The following LRRC37A2 variants were observed in gnomAD, a reference collection of about 807,000 sequenced individuals.
The protein encoded by LRRC37A2 is leucine rich repeat containing 37 member A2.
A neutral mutation model predicts 68.8 loss-of-function variants in LRRC37A2; 9 were observed. The ratio of observed to expected loss-of-function variants is 0.13; its 90% CI spans 0.08 to 0.23. The LOEUF (loss-of-function observed/expected upper bound fraction) is 0.23. Ranked by LOEUF, LRRC37A2 falls within the 10% of genes least tolerant of loss-of-function variation. The probability of loss-of-function intolerance (pLI) is 1.00; values close to 1 mark genes in which losing one functional copy is unlikely to be tolerated. For missense variants in LRRC37A2, 168 were observed against 950.4 expected, an observed-to-expected ratio of 0.18 and a Z score of 10.82; for synonymous variants, 63 against 367.6, an observed-to-expected ratio of 0.17 and a Z score of 9.48.
At chr17:46,929,460 C>T in the LRRC37A2 span, 2 of 872,730 alleles carry the variant, frequency 2.3e-6, no homozygotes. Flanking sequence ...ATTGTCTTTC[C>T]TGACTGAAGC....
At chr17:46,679,712 T>C in the LRRC37A2 span, among the ~76,000 whole-genome samples, 23 of 150,578 alleles carry the variant, frequency 1.5e-4, no homozygotes, top group African/African-American at 3.4e-4. Flanking sequence ...AAAAAGAAGC[T>C]AATAATGTTA....
the LRRC37A2 span, chr17:46,710,957 TAATAGGC>T: frequency 6.3e-7 from 1 of 1,582,922 alleles, no homozygotes; most frequent in Non-Finnish European, 8.5e-7. Flanking sequence ...TCCTTTTTCT[TAATAGGC>T]CTTTGGCACA....
the LRRC37A2 span, among the ~76,000 whole-genome samples, chr17:46,904,453 GAT>G: frequency 1.0e-4 from 1 of 9,674 alleles, no homozygotes; most frequent in Non-Finnish European, 1.4e-3. Context: ...TGACTGGATG[GAT>G]GGATGGATGG....
the LRRC37A2 span, among the ~76,000 whole-genome samples, chr17:47,039,009 T>C: frequency 6.7e-6 from 1 of 149,440 alleles, no homozygotes; most frequent in Non-Finnish European, 1.5e-5. Flanking sequence ...TTTTTATTTC[T>C]TTGTGCAGAT....
chr17:46,718,592 A>T, the LRRC37A2 span, among the ~76,000 whole-genome samples: 1 of 152,168 alleles, frequency 6.6e-6, no homozygotes, highest in East Asian at 1.9e-4. Context: ...TACTGCCCCC[A>T]TTTTCTCATT....
At chr17:46,935,020 C>CT in the LRRC37A2 span, 2 of 1,611,696 alleles carry the variant, frequency 1.2e-6, no homozygotes, top group Middle Eastern at 3.3e-4. Flanking sequence ...GCCTGTGTTT[C>CT]TTTCACAGGA....
the LRRC37A2 span, among the ~76,000 whole-genome samples, chr17:46,956,832 G>A: frequency 3.3e-5 from 5 of 152,116 alleles, no homozygotes; most frequent in Admixed American, 1.3e-4. Flanking sequence ...CCTCACTCCC[G>A]CCCCAAGACT....
At chr17:46,965,127 A>C in the LRRC37A2 span, 3 of 152,306 alleles carry the variant, frequency 2.0e-5, no homozygotes, top group Middle Eastern at 3.4e-3. Flanking sequence ...TCATTATCCT[A>C]GTCTGCAGCC....
the LRRC37A2 span, among the ~76,000 whole-genome samples, chr17:46,743,593 CTCACCATTGCTTTCTGCCAGCCCTGGG>C: frequency 6.6e-6 from 1 of 152,352 alleles, no homozygotes; most frequent in East Asian, 1.9e-4. Context: ...GGGGACTTGC[CTCACCATTGCTTTCTGCCAGCCCTGGG>C]CTTGCCTTAA....
the LRRC37A2 span, among the ~76,000 whole-genome samples, chr17:46,684,479 A>G: frequency 6.6e-6 from 1 of 152,124 alleles, no homozygotes; most frequent in Non-Finnish European, 1.5e-5. Flanking sequence ...GCTGGGTCAA[A>G]TGGTATTTCT....
the LRRC37A2 span, among the ~76,000 whole-genome samples, chr17:46,868,327 C>T: frequency 6.6e-6 from 1 of 152,226 alleles, no homozygotes; most frequent in Non-Finnish European, 1.5e-5. Flanking sequence ...CGTGGTGGCT[C>T]ATGCCTGTAA....
the LRRC37A2 span, among the ~76,000 whole-genome samples, chr17:46,815,731 T>A: frequency 6.6e-6 from 1 of 152,094 alleles, no homozygotes; most frequent in African/African-American, 2.4e-5. Context: ...GACAAGCTGG[T>A]GTCAAGGAAG....
At chr17:46,533,805 G>A (rs1374226515) in intron 6 of LRRC37A2, among the ~76,000 whole-genome samples, 3 of 93,462 alleles carry the variant, frequency 3.2e-5, no homozygotes, top group African/African-American at 1.9e-4. Context: ...CCCAGCCAGT[G>A]CTTTTTATTT....
the LRRC37A2 span, chr17:46,948,465 G>A: frequency 2.6e-5 from 4 of 152,208 alleles, no homozygotes; most frequent in Admixed American, 6.5e-5. Flanking sequence ...TACAAGATAC[G>A]ATATTGCACA....
the LRRC37A2 span, among the ~76,000 whole-genome samples, chr17:46,494,041 C>T: frequency 1.0e-4 from 15 of 149,626 alleles, no homozygotes; most frequent in Admixed American, 2.6e-4. Context: ...GATGGGGTTT[C>T]GCTATGTTGC....
chr17:47,022,239 C>T, the LRRC37A2 span, among the ~76,000 whole-genome samples: 1 of 110,874 alleles, frequency 9.0e-6, no homozygotes, highest in South Asian at 4.0e-4. Flanking sequence ...GGCACAATCA[C>T]AGCTCACTGC....
chr17:46,854,796 A>T, the LRRC37A2 span, among the ~76,000 whole-genome samples: 1 of 152,018 alleles, frequency 6.6e-6, no homozygotes, highest in Non-Finnish European at 1.5e-5. Context: ...GAGAGCTAGG[A>T]TTACTGGTGC....
the LRRC37A2 span, among the ~76,000 whole-genome samples, chr17:46,767,168 T>A: frequency 2.0e-5 from 3 of 151,994 alleles, no homozygotes; most frequent in Non-Finnish European, 4.4e-5. Context: ...TATCCCGGGG[T>A]GCTGTGGAAC....
At chr17:46,839,957 T>TTTCTTTCTTTCTTTCTC in the LRRC37A2 span, among the ~76,000 whole-genome samples, 107 of 142,384 alleles carry the variant, frequency 7.5e-4, no homozygotes, top group African/African-American at 2.6e-3. Context: ...TCTTTCTTTC[T>TTTCTTTCTTTCTTTCTC]TTCTTTCTTT....
Sources: allele counts gnomAD v4.1 joint callset (sites outside exome capture counted in the v4.1 genomes callset), GRCh38; gene constraint gnomAD v4.1.1; transcripts MANE v1.5; gene names NCBI Gene and HGNC (gene_info 2026-07-23, HGNC 2026-07-21).